LTBP1: variants seen among roughly 807,000 people sequenced by gnomAD.
LTBP1 encodes latent-transforming growth factor beta-binding protein 1.
LTBP1 carries 129 observed loss-of-function variants against 207.6 expected under a neutral mutation model. The ratio of observed to expected loss-of-function variants is 0.62; its 90% CI spans 0.54 to 0.72. LTBP1 has a LOEUF of 0.72. Among genes scored for constraint, LTBP1 ranks in the 30% least tolerant of loss-of-function variants. The pLI, the probability that LTBP1 is intolerant of heterozygous loss-of-function variation, is 0.00. For synonymous variants in LTBP1, 963 were observed against 833.7 expected (o/e 1.16, Z -2.67); for missense variants, 2,281 against 2,217.2 (o/e 1.03, Z -0.58).
At chr2:33,129,398 A>G (rs970607059) in intron 4 of LTBP1, among the ~76,000 whole-genome samples, 3 of 152,168 alleles carry the variant, frequency 2.0e-5, no homozygotes, top group African/African-American at 4.8e-5. Context: ...CACACACCTC[A>G]GTTCTAGTGG....
intron 26 of LTBP1, among the ~76,000 whole-genome samples, chr2:33,360,255 G>A (rs916923258): frequency 3.3e-5 from 5 of 152,144 alleles, no homozygotes; most frequent in Non-Finnish European, 7.3e-5. Flanking sequence ...ATTTAAGTAG[G>A]TGTTATAGCT....
intron 25 of LTBP1, among the ~76,000 whole-genome samples, chr2:33,344,164 T>A: frequency 6.6e-6 from 1 of 152,230 alleles, no homozygotes; most frequent in East Asian, 1.9e-4. Context: ...CCAAAAATTA[T>A]TTACAAAGCA....
chr2:33,080,095 C>T (rs1051832957), intron 3 of LTBP1, among the ~76,000 whole-genome samples: 4 of 151,988 alleles, frequency 2.6e-5, no homozygotes, highest in African/African-American at 7.3e-5. Context: ...GGTATGATCT[C>T]GGCTCACTGC....
intron 3 of LTBP1, among the ~76,000 whole-genome samples, chr2:33,108,507 A>G (rs572103492): frequency 9.9e-5 from 15 of 152,044 alleles, no homozygotes; most frequent in Admixed American, 9.8e-4. Context: ...GCCCGTCCAC[A>G]TGTATGCTTT....
intron 26 of LTBP1, among the ~76,000 whole-genome samples, chr2:33,348,667 G>T (rs750528561): frequency 5.9e-5 from 9 of 152,152 alleles, no homozygotes; most frequent in Non-Finnish European, 1.0e-4. Context: ...TATTTTGAAT[G>T]AATTAATTCA....
intron 3 of LTBP1, among the ~76,000 whole-genome samples, chr2:33,086,593 C>A (rs779939339): frequency 6.6e-6 from 1 of 152,180 alleles, no homozygotes; most frequent in Non-Finnish European, 1.5e-5. Flanking sequence ...TCATTTATTT[C>A]TTTATTGCAA....
At chr2:33,000,795 C>T (rs368471723) in intron 2 of LTBP1, among the ~76,000 whole-genome samples, 3 of 134,136 alleles carry the variant, frequency 2.2e-5, no homozygotes, top group African/African-American at 7.8e-5. Context: ...TAGGATTCCC[C>T]CAAAGTATAT....
chr2:33,258,361 G>C lies in LTBP1; in HGVS notation c.2395+850G>C, dbSNP rs76710538. Reference sequence around the variant, plus strand: ...CAGTTGATTCTGAGGTCAGAATTCAGGGGGCCATTTTTGGGTGCTGTTGAG... The same window carrying C: ...CAGTTGATTCTGAGGTCAGAATTCACGGGGCCATTTTTGGGTGCTGTTGAG... On this transcript the variant is annotated intron_variant, in intron 12 of 33. Coordinates refer to ENST00000404816, the MANE Select transcript of LTBP1 (RefSeq NM_206943.4). 9.7e-3 allele frequency among the ~76,000 whole-genome samples: 1,475 copies of C among 152,314 alleles called. 32 individuals carry two copies. The highest frequency in any genetic ancestry group is 0.034 in the African/African-American group (1,401 of 41,570).
rs916310980 is a variant in LTBP1, at chr2:33,369,327, C to T, written c.4711+3824C>T. Among the ~76,000 whole-genome samples the T allele has an allele frequency of 2.6e-5, 4 of 152,082 alleles. No individual in the cohort carries two copies. In the East Asian group the frequency reaches 5.8e-4, roughly 22 times the overall value. ...AAACCAAAATCAGTGCTTTCCAATC[C>T]GTTACTTTTTAAAAAACAATGGTAG... On this transcript the variant is annotated intron_variant, in intron 31 of 33. Transcript: ENST00000404816.
At chr2:33,225,741 C>G (rs1004725708) in intron 9 of LTBP1, among the ~76,000 whole-genome samples, 2 of 152,188 alleles carry the variant, frequency 1.3e-5, no homozygotes, top group Non-Finnish European at 2.9e-5. Flanking sequence ...CTCCCCTCTA[C>G]CCTTCCCAGC....
intron 4 of LTBP1, among the ~76,000 whole-genome samples, chr2:33,130,584 A>T (rs2081721017): frequency 6.6e-6 from 1 of 152,148 alleles, no homozygotes; most frequent in African/African-American, 2.4e-5. Context: ...CAGAAATGAA[A>T]GCTTTTTATC....
At chr2:33,202,330 A>G (rs1463170395) in intron 7 of LTBP1, among the ~76,000 whole-genome samples, 1 of 152,154 alleles carries the variant, frequency 6.6e-6, no homozygotes, top group Non-Finnish European at 1.5e-5. Flanking sequence ...TCCACATGGG[A>G]GAAAAAGATG....
chr2:33,152,606 A>G (rs78930169), intron 5 of LTBP1, among the ~76,000 whole-genome samples: 2,266 of 152,288 alleles, frequency 0.015, 23 homozygotes, highest in East Asian at 0.027. Context: ...ACGAAAAAAG[A>G]TATTTTCTCG....
intron 5 of LTBP1, among the ~76,000 whole-genome samples, chr2:33,144,160 C>T (rs914382954): frequency 3.9e-5 from 6 of 151,922 alleles, no homozygotes; most frequent in African/African-American, 1.5e-4. Flanking sequence ...GCTCCCTGTG[C>T]ACCCCAGAGA....
rs556402302 is a variant in LTBP1, at chr2:33,194,079, C to T, written c.1701+5228C>T. 3.5e-4 allele frequency among the ~76,000 whole-genome samples: 54 copies of T among 152,186 alleles called. No homozygotes were observed. In the South Asian group the frequency reaches 8.9e-3, roughly 25 times the overall value. ...CTGGCTCACTGCAAGGTCTGCCTCC[C>T]GGGTTCACGCCATTCTCCTGCCTCA... On this transcript the variant is annotated intron_variant, in intron 7 of 33. Coordinates refer to ENST00000404816, the MANE Select transcript of LTBP1 (RefSeq NM_206943.4).
intron 32 of LTBP1, among the ~76,000 whole-genome samples, chr2:33,394,431 C>A (rs1048587162): frequency 2.6e-5 from 4 of 152,118 alleles, no homozygotes; most frequent in African/African-American, 9.7e-5. Context: ...GGTTTTAGGT[C>A]TAACATGTAA....
At chr2:33,261,713 G>A (rs1001286821) in intron 13 of LTBP1, among the ~76,000 whole-genome samples, 1 of 152,176 alleles carries the variant, frequency 6.6e-6, no homozygotes, top group East Asian at 1.9e-4. Flanking sequence ...GGATGGTTTT[G>A]GAAGGGTAGG....
intron 3 of LTBP1, among the ~76,000 whole-genome samples, chr2:33,060,416 A>T (rs1372985791): frequency 1.3e-5 from 2 of 151,912 alleles, no homozygotes; most frequent in African/African-American, 4.8e-5. Flanking sequence ...TTTTAGTAAC[A>T]TGTGGCTTTT....
At chr2:33,259,746 T>C in intron 13 of LTBP1, 136 bp downstream of exon 13, 1 of 700,250 alleles carries the variant, frequency 1.4e-6, no homozygotes, top group Non-Finnish European at 2.2e-6. Flanking sequence ...TAATATAGCA[T>C]TCAGTTATTC....
Sources: allele counts gnomAD v4.1 joint callset (sites outside exome capture counted in the v4.1 genomes callset), GRCh38; gene constraint gnomAD v4.1.1; transcripts MANE v1.5; gene names NCBI Gene and HGNC (gene_info 2026-07-23, HGNC 2026-07-21).